Variants in TNRC6B observed in about 807,000 individuals in gnomAD.
TNRC6B encodes trinucleotide repeat-containing gene 6B protein.
In TNRC6B, 52 loss-of-function variants were observed where a neutral mutation model predicts 203.6. The ratio of observed to expected loss-of-function variants is 0.26; its 90% CI spans 0.20 to 0.32. The LOEUF is 0.32. TNRC6B is among the 10% of genes least tolerant of loss of function. The pLI is 1.00. For synonymous variants in TNRC6B, 838 were observed against 845.7 expected (o/e 0.99, Z 0.16); for missense variants, 1,923 against 2,286.2 (o/e 0.84, Z 3.24).
chr22:40,253,818 T>C (rs1427578196), intron 3 of TNRC6B: 1 of 423,126 alleles, frequency 2.4e-6, no homozygotes, highest in African/African-American at 2.1e-5. Flanking sequence ...ACTGTAAATC[T>C]CCTTCTTCTT....
intron 6 of TNRC6B, among the ~76,000 whole-genome samples, chr22:40,271,632 G>T (rs1473491756): frequency 3.9e-5 from 6 of 152,142 alleles, no homozygotes; most frequent in Non-Finnish European, 1.5e-5. Flanking sequence ...GCTGCAAGAA[G>T]ATGTTAATCA....
chr22:40,209,525 G>C (rs531441600), intron 1 of TNRC6B, among the ~76,000 whole-genome samples: 26 of 152,264 alleles, frequency 1.7e-4, no homozygotes, highest in African/African-American at 5.3e-4. Flanking sequence ...TCAGGACATG[G>C]TGGTAGTTCT....
At chr22:40,086,492 A>G (rs1001871962) in intron 1 of TNRC6B, among the ~76,000 whole-genome samples, 4 of 152,160 alleles carry the variant, frequency 2.6e-5, no homozygotes, top group Admixed American at 1.3e-4. Context: ...TCCTTTTGGT[A>G]TGATGATATG....
At chr22:40,280,184 C>T in intron 10 of TNRC6B, 41 bp downstream of exon 10, 2 of 1,586,502 alleles carry the variant, frequency 1.3e-6, no homozygotes, top group Non-Finnish European at 1.7e-6. Context: ...TTCATGAGAA[C>T]CGCTTTGGTT....
chr22:40,161,963 TTG>T (rs1223989812), intron 4 of TNRC6B, among the ~76,000 whole-genome samples: 2 of 152,204 alleles, frequency 1.3e-5, no homozygotes, highest in African/African-American at 4.8e-5. Context: ...TGCTCATAGA[TTG>T]TGTTTGACCA....
At position 40,262,167 on chromosome 22, in the gene TNRC6B, G is replaced by T; in HGVS notation, c.451G>T (p.Ala151Ser). 7.1e-7 allele frequency: 1 copy of T among 1,400,236 alleles called. No homozygotes were observed. 86.7% of individuals were successfully genotyped at this position (1,400,236 alleles called of 1,614,324 possible). ...GALLQSESGT[A>S]PDSTLGGAAA... ...GCTGCTGCAGAGTGAGAGTGGGACT[G>T]CGCCAGGTAAGGCACCCTGTGAATC... Residue 151 changes from alanine to serine, a missense_variant, in exon 4 of 23, where the codon GCG becomes TCG. Ala to Ser is a moderately conservative substitution (Grantham distance 99). This residue lies in a region of TNRC6B where 614 missense variants were observed against 587.7 expected (regional missense o/e 1.04). Coordinates refer to ENST00000454349, the MANE Select transcript of TNRC6B (RefSeq NM_001162501.2).
At chr22:40,147,502 C>T (rs2068705999) in intron 3 of TNRC6B, among the ~76,000 whole-genome samples, 1 of 152,112 alleles carries the variant, frequency 6.6e-6, no homozygotes, top group Non-Finnish European at 1.5e-5. Flanking sequence ...GATCAAGGCA[C>T]CAGTAGATCT....
intron 11 of TNRC6B, among the ~76,000 whole-genome samples, chr22:40,283,375 A>T (rs1344797548): frequency 6.6e-6 from 1 of 152,050 alleles, no homozygotes; most frequent in Non-Finnish European, 1.5e-5. Context: ...GGTCTTGCTT[A>T]TGTTGCCTAG....
In TNRC6B at chr22:40,085,304, C is replaced by G. The variant is rs545367658; in HGVS notation, c.-120-31751C>G. ...AAAAACTTAAGCCTTATACAATTGT[C>G]ACATCTAAAAATGTAATTCCTTAAT... is the stretch of plus-strand genomic sequence containing the variant. On this transcript the variant is annotated intron_variant, in intron 1 of 23. Transcript: ENST00000301923. 2.8e-4 allele frequency among the ~76,000 whole-genome samples: 42 copies of G among 152,220 alleles called. 1 individual carries two copies. The South Asian group carries it at 8.5e-3, about 31-fold the overall frequency.
intron 1 of TNRC6B, among the ~76,000 whole-genome samples, chr22:40,105,543 C>T (rs573916680): frequency 3.9e-5 from 6 of 152,288 alleles, no homozygotes; most frequent in African/African-American, 1.2e-4. Context: ...GTTTTGAACA[C>T]ACGGAGTCAT....
intron 3 of TNRC6B, among the ~76,000 whole-genome samples, chr22:40,146,037 G>A (rs1336174317): frequency 1.3e-5 from 2 of 152,194 alleles, no homozygotes; most frequent in African/African-American, 4.8e-5. Context: ...TGAAATGGCT[G>A]TGGCAGAATG....
chr22:40,148,766 C>A (rs2068719060), intron 3 of TNRC6B, among the ~76,000 whole-genome samples: 1 of 148,686 alleles, frequency 6.7e-6, no homozygotes, highest in Admixed American at 6.7e-5. Context: ...AGGCCCTAAT[C>A]CAGTATGACT....
intron 1 of TNRC6B, among the ~76,000 whole-genome samples, chr22:40,202,528 C>G (rs931937586): frequency 6.6e-6 from 1 of 152,064 alleles, no homozygotes; most frequent in African/African-American, 2.4e-5. Context: ...GTCCATCTTT[C>G]AGAAAGAGAC....
At chr22:40,107,258 T>G (rs1569262565) in intron 1 of TNRC6B, among the ~76,000 whole-genome samples, 1 of 152,208 alleles carries the variant, frequency 6.6e-6, no homozygotes, top group Non-Finnish European at 1.5e-5. Flanking sequence ...CTTTCACATT[T>G]GAGTATACAG....
rs143884982 is a variant in TNRC6B at position 40,235,448 on chromosome 22, G to A, written c.6-10567G>A. 7.9e-5 allele frequency among the ~76,000 whole-genome samples: 12 copies of A among 152,258 alleles called. No individual in the cohort carries two copies. In the East Asian group the frequency reaches 1.5e-3, roughly 20 times the overall value. ...TCCAGGACCACGTCATCCCTACAAC[G>A]CTCTCTGAGAAGATGGGTGCCCTGT... On this transcript the variant is annotated intron_variant, in intron 1 of 22. Transcript: ENST00000454349.
At chr22:40,061,597 T>C (rs1202545002) in intron 1 of TNRC6B, among the ~76,000 whole-genome samples, 1 of 149,182 alleles carries the variant, frequency 6.7e-6, no homozygotes, top group Non-Finnish European at 1.5e-5. Context: ...TGTTACTTGC[T>C]CATATATTAT....
intron 21 of TNRC6B, among the ~76,000 whole-genome samples, chr22:40,317,292 A>G (rs527398424): frequency 3.9e-5 from 6 of 152,344 alleles, no homozygotes; most frequent in African/African-American, 1.4e-4. Context: ...TATAAATGCT[A>G]CATGGGGCCA....
At chr22:40,064,876 C>A (rs888124935) in intron 1 of TNRC6B, among the ~76,000 whole-genome samples, 4 of 152,088 alleles carry the variant, frequency 2.6e-5, no homozygotes, top group African/African-American at 9.7e-5. Flanking sequence ...CTCGGCCTTC[C>A]AAAGTGCTGG....
chr22:40,259,879 C>T (rs886431852), intron 3 of TNRC6B, among the ~76,000 whole-genome samples: 2 of 152,230 alleles, frequency 1.3e-5, no homozygotes, highest in Non-Finnish European at 2.9e-5. Context: ...ATTTGGGCCT[C>T]AGAATCATCC....
Sources: gnomAD v4.1 joint callset for allele counts (sites outside exome capture counted in the v4.1 genomes callset) on GRCh38, gnomAD v4.1.1 for gene constraint, gnomAD v4.1.1 regional missense constraint, MANE v1.5 for transcripts, NCBI Gene and HGNC (gene_info 2026-07-23, HGNC 2026-07-21) for gene names.